GNAQ: variants seen among roughly 807,000 people sequenced by gnomAD.
GNAQ encodes the protein G protein subunit alpha q.
Under a neutral mutation model 43.9 loss-of-function variants are expected in GNAQ, and 8 were observed. The observed-to-expected ratio is 0.18, with a 90% confidence interval of 0.11 to 0.33. The LOEUF (loss-of-function observed/expected upper bound fraction) is 0.33. Ranked by LOEUF, GNAQ falls within the 10% of genes least tolerant of loss-of-function variation. GNAQ has a pLI of 1.00. For missense variants in GNAQ, 158 were observed against 450.8 expected (o/e 0.35, Z 5.88); for synonymous variants, 155 against 170.7 (o/e 0.91, Z 0.71).
rs368039546 is a variant in GNAQ at position 78,003,266 on chromosome 9, G to C, written c.136+27834C>G. On this transcript the variant is annotated intron_variant, in intron 1 of 6. Coordinates refer to ENST00000286548, the MANE Select transcript of GNAQ (RefSeq NM_002072.5). ...GCCTTCAAGAGGGAAAATTAGATGAGAGAGCACTAGCTATCTCCAAAGTTT... is the reference window on the plus strand; with the variant it reads ...GCCTTCAAGAGGGAAAATTAGATGACAGAGCACTAGCTATCTCCAAAGTTT... 2.6e-5 allele frequency among the ~76,000 whole-genome samples: 4 copies of C among 152,304 alleles called. No individual in the cohort carries two copies. In the East Asian group the frequency reaches 5.8e-4, roughly 22 times the overall value.
intron 5 of GNAQ, among the ~76,000 whole-genome samples, chr9:77,767,631 A>C (rs1357124264): frequency 1.3e-5 from 2 of 152,258 alleles, no homozygotes; most frequent in Non-Finnish European, 2.9e-5. Context: ...GTGCAATTCG[A>C]TAAAATGGGA....
At chr9:77,963,132 G>A (rs1823126014) in intron 1 of GNAQ, among the ~76,000 whole-genome samples, 1 of 152,090 alleles carries the variant, frequency 6.6e-6, no homozygotes, top group South Asian at 2.1e-4. Context: ...AAACTCACGT[G>A]GAAGAACGGT....
intron 2 of GNAQ, among the ~76,000 whole-genome samples, chr9:77,889,385 T>G (rs1828362996): frequency 8.6e-6 from 1 of 115,652 alleles, no homozygotes; most frequent in Non-Finnish European, 1.6e-5. Flanking sequence ...CATTCCAGCC[T>G]GGGCGACAAA....
chr9:77,842,101 C>T (rs2117886371), intron 2 of GNAQ, among the ~76,000 whole-genome samples: 1 of 152,282 alleles, frequency 6.6e-6, no homozygotes, highest in Admixed American at 6.5e-5. Context: ...GAGTTCTCTG[C>T]CTTAAGAAAT....
rs1336838258 is a variant in GNAQ at position 77,872,051 on chromosome 9, G to A, written c.321+50110C>T. On this transcript the variant is annotated intron_variant, in intron 2 of 6. Transcript: ENST00000286548. ...GTTCTTCCAAATCAAATAATAGGTA[G>A]CATGTGCATCCAAAATTTCCTGAAT... is the stretch of plus-strand genomic sequence containing the variant. 4.6e-5 allele frequency among the ~76,000 whole-genome samples: 7 copies of A among 152,160 alleles called. No homozygotes were observed. In the East Asian group the frequency reaches 1.3e-3, roughly 29 times the overall value.
chr9:77,922,392 GTC>G (rs981579743), intron 1 of GNAQ, 47 bp from the exon 2 acceptor site: 16 of 1,382,162 alleles, frequency 1.2e-5, no homozygotes, highest in Non-Finnish European at 1.6e-5. Flanking sequence ...TGCCATCTCA[GTC>G]TCTCAGATAA....
intron 3 of GNAQ, among the ~76,000 whole-genome samples, chr9:77,805,857 T>C (rs1826821929): frequency 6.6e-6 from 1 of 152,234 alleles, no homozygotes; most frequent in Non-Finnish European, 1.5e-5. Context: ...TCAATTTCCC[T>C]CTACCAAAGA....
chr9:77,950,324 CCT>C (rs999755651), intron 1 of GNAQ, among the ~76,000 whole-genome samples: 6 of 152,290 alleles, frequency 3.9e-5, no homozygotes, highest in Non-Finnish European at 8.8e-5. Flanking sequence ...CTGATTCTTC[CCT>C]GATTTGCTTC....
At chr9:77,939,588 G>C (rs1829285309) in intron 1 of GNAQ, among the ~76,000 whole-genome samples, 1 of 151,884 alleles carries the variant, frequency 6.6e-6, no homozygotes. Context: ...CTCCAGAAAT[G>C]AATAATACAG....
intron 1 of GNAQ, among the ~76,000 whole-genome samples, chr9:77,968,804 G>A (rs915110288): frequency 1.8e-4 from 28 of 152,214 alleles, no homozygotes; most frequent in African/African-American, 6.8e-4. Context: ...AACTCAGAGA[G>A]AATACCAGAG....
At chr9:77,722,415 G>C (rs1422051837) in intron 6 of GNAQ, among the ~76,000 whole-genome samples, 1 of 152,104 alleles carries the variant, frequency 6.6e-6, no homozygotes, top group Non-Finnish European at 1.5e-5. Flanking sequence ...GGGATTACAG[G>C]TGTGAGCCAC....
At position 77,899,829 on chromosome 9, in the gene GNAQ, A is replaced by G. The variant is rs112241582; in HGVS notation, c.321+22332T>C. Among the ~76,000 whole-genome samples, 939 of 152,330 alleles carry G rather than the reference A, an allele frequency of 6.2e-3. 3 individuals carry two copies. The highest frequency in any genetic ancestry group is 0.021 in the African/African-American group (882 of 41,558). On this transcript the variant is annotated intron_variant, in intron 2 of 6. Transcript: ENST00000286548. ...TATTTAACAAATATGTATTAAGCAC[A>G]TATCAAATGCACGGAACTGTGCTAG...
intron 2 of GNAQ, among the ~76,000 whole-genome samples, chr9:77,834,430 A>C (rs1462756605): frequency 6.6e-6 from 1 of 152,204 alleles, no homozygotes; most frequent in Non-Finnish European, 1.5e-5. Context: ...ACCTGAATTG[A>C]GATTCTATGG....
In GNAQ at chr9:77,797,770, A is replaced by G. The variant is rs540197569; in HGVS notation, c.477-122T>C. ...TAAAGAAGAGAAAGAAAAATATCAG[A>G]AAGTGGTAGAGGAGTCTGTGGAAAA... On this transcript the variant is annotated intron_variant, in intron 3 of 6. Transcript: ENST00000286548. The G allele has an allele frequency of 5.0e-6, 4 of 805,488 alleles. 1 individual carries two copies. In the South Asian group the frequency reaches 7.1e-5, roughly 14 times the overall value. 49.9% of individuals were successfully genotyped at this position (805,488 alleles called of 1,614,324 possible).
chr9:77,963,721 A>T (rs183116232), intron 1 of GNAQ, among the ~76,000 whole-genome samples: 5 of 152,266 alleles, frequency 3.3e-5, no homozygotes, highest in Admixed American at 3.3e-4. Flanking sequence ...GGTTTGAGAA[A>T]GTTAGTCAAA....
intron 1 of GNAQ, among the ~76,000 whole-genome samples, chr9:77,978,540 TAC>T (rs1823330956): frequency 6.6e-6 from 1 of 152,210 alleles, no homozygotes; most frequent in African/African-American, 2.4e-5. Flanking sequence ...TAGTTATAAT[TAC>T]ATCTTTCCTG....
At chr9:77,924,891 A>T (rs1829046641) in intron 1 of GNAQ, among the ~76,000 whole-genome samples, 1 of 151,940 alleles carries the variant, frequency 6.6e-6, no homozygotes, top group Non-Finnish European at 1.5e-5. Context: ...ACCAATAGGG[A>T]TTTCAACAGC....
chr9:77,853,376 A>G (rs1827701289), intron 2 of GNAQ, among the ~76,000 whole-genome samples: 1 of 152,220 alleles, frequency 6.6e-6, no homozygotes, highest in Admixed American at 6.5e-5. Flanking sequence ...TAGTAGTAAC[A>G]GGGCCTAGTA....
At chr9:77,959,433 C>T (rs1466845716) in intron 1 of GNAQ, among the ~76,000 whole-genome samples, 1 of 152,062 alleles carries the variant, frequency 6.6e-6, no homozygotes, top group African/African-American at 2.4e-5. Context: ...GTGTGATATT[C>T]TAAATATCCA....
Sources: gnomAD v4.1 joint callset for allele counts (sites outside exome capture counted in the v4.1 genomes callset) on GRCh38, gnomAD v4.1.1 for gene constraint, MANE v1.5 for transcripts, NCBI Gene and HGNC (gene_info 2026-07-23, HGNC 2026-07-21) for gene names.